The following PRKCZ variants were observed in gnomAD, a reference collection of about 807,000 sequenced individuals.
PRKCZ encodes protein kinase C zeta, also known as protein kinase C zeta type.
PRKCZ carries 33 observed loss-of-function variants against 79.5 expected under a neutral mutation model. The observed-to-expected ratio is 0.41, with a 90% CI of 0.31 to 0.55. The LOEUF (loss-of-function observed/expected upper bound fraction) is 0.55. Ranked by LOEUF, PRKCZ falls within the 20% of genes least tolerant of loss-of-function variation. PRKCZ has a pLI of 0.19. For missense variants in PRKCZ, 578 were observed against 813.5 expected (o/e 0.71, Z 3.52); for synonymous variants, 342 against 320.9 (o/e 1.07, Z -0.70).
In PRKCZ at chr1:2,184,647, A is replaced by G. The variant is rs766577209; in HGVS notation, c.1640A>G (p.Asn547Ser). ...ATCACAGACGACTACGGTCTGGACA[A>G]CTTTGACACACAGTTCACCAGCGAG... The part of the protein sequence containing the change: ...PQITDDYGLD[N>S]FDTQFTSEPV... Residue 547 changes from asparagine to serine, a missense_variant, in exon 17 of 18, where the codon AAC becomes AGC. By Grantham distance (46) the Asn-to-Ser change is conservative. Around this residue, in one of 4 missense-constraint regions of PRKCZ, gnomAD observed 243 missense variants for 467.0 expected, o/e 0.52. Coordinates refer to ENST00000378567, the MANE Select transcript of PRKCZ (RefSeq NM_002744.6). The G allele has an allele frequency of 1.9e-6, 3 of 1,614,026 alleles. No homozygotes were observed. Among genetic ancestry groups the G allele is most frequent in the Non-Finnish European group, 1.7e-6 (2 of 1,180,006 alleles).
intron 9 of PRKCZ, 135 bp from the exon 10 acceptor site, chr1:2,155,860 G>T: frequency 1.4e-6 from 1 of 722,344 alleles, no homozygotes; most frequent in Admixed American, 2.0e-5. Flanking sequence ...AGTTCCTAAT[G>T]GGTGTTTTCT....
In PRKCZ at chr1:2,118,004, T is replaced by C. The variant is rs866604859; in HGVS notation, c.335-17258T>C. 6.3e-4 allele frequency among the ~76,000 whole-genome samples: 83 copies of C among 132,114 alleles called. 4 individuals carry two copies. Among genetic ancestry groups the C allele is most frequent in the African/African-American group, 2.3e-3 (80 of 35,318 alleles). 86.7% of individuals were successfully genotyped at this position (132,114 alleles called of 152,430 possible). A position where few individuals can be genotyped will look rare whatever the true frequency, so the allele number is the denominator to read the frequency against. ...AGAGATTAGCCTATTATTTCTTTTT[T>C]TTTTTTTTTTGGAGTCTCACTCTGT... On this transcript the variant is annotated intron_variant, in intron 4 of 17. Coordinates refer to ENST00000378567, the MANE Select transcript of PRKCZ (RefSeq NM_002744.6).
intron 4 of PRKCZ, among the ~76,000 whole-genome samples, chr1:2,079,064 G>A (rs556646730): frequency 1.3e-5 from 2 of 152,230 alleles, no homozygotes; most frequent in Admixed American, 6.5e-5. Flanking sequence ...GGATGGTCTC[G>A]ATCTTCTGAC....
At chr1:2,084,264 C>T (rs1664093233) in intron 4 of PRKCZ, among the ~76,000 whole-genome samples, 1 of 152,216 alleles carries the variant, frequency 6.6e-6, no homozygotes, top group African/African-American at 2.4e-5. Flanking sequence ...AAAAACATCG[C>T]ATATTGGCTG....
At chr1:2,171,745 C>T (rs560360913) in intron 11 of PRKCZ, 15 of 343,258 alleles carry the variant, frequency 4.4e-5, no homozygotes, top group African/African-American at 3.0e-4. Flanking sequence ...CACAACGTGC[C>T]ATGGCTCCGG....
At chr1:2,098,713 G>A (rs888962585) in intron 4 of PRKCZ, among the ~76,000 whole-genome samples, 3 of 151,954 alleles carry the variant, frequency 2.0e-5, no homozygotes, top group Non-Finnish European at 4.4e-5. Flanking sequence ...ACAGAGTCTC[G>A]CTCTGTCGCC....
chr1:2,112,691 GTT>G (rs147375796), intron 4 of PRKCZ, among the ~76,000 whole-genome samples: 35,519 of 146,452 alleles, frequency 0.24, 4,796 homozygotes, highest in Admixed American at 0.34. Flanking sequence ...TGGTTGGTTG[GTT>G]TTTTTTTTTT....
At chr1:2,092,333 C>T (rs1204425151) in intron 4 of PRKCZ, among the ~76,000 whole-genome samples, 1 of 152,190 alleles carries the variant, frequency 6.6e-6, no homozygotes, top group African/African-American at 2.4e-5. Context: ...CAAGAGAAGC[C>T]CCAGCTCAGC....
At chr1:2,098,769 C>T (rs1242190217) in intron 4 of PRKCZ, among the ~76,000 whole-genome samples, 2 of 152,144 alleles carry the variant, frequency 1.3e-5, no homozygotes, top group African/African-American at 4.8e-5. Context: ...GCGAGCTCCA[C>T]CTCTCGGGTT....
At chr1:2,108,351 C>T (rs1669012029) in intron 4 of PRKCZ, among the ~76,000 whole-genome samples, 1 of 152,234 alleles carries the variant, frequency 6.6e-6, no homozygotes, top group Non-Finnish European at 1.5e-5. Flanking sequence ...GCCCCTTGTC[C>T]CTGCAGCCAT....
At chr1:2,101,134 T>C (rs576395116) in intron 4 of PRKCZ, among the ~76,000 whole-genome samples, 4 of 152,148 alleles carry the variant, frequency 2.6e-5, no homozygotes, top group Non-Finnish European at 5.9e-5. Flanking sequence ...CTAAACGACA[T>C]GTGAGTTCCC....
intron 5 of PRKCZ, chr1:2,142,601 GAGCCCA>G: frequency 4.1e-6 from 1 of 243,824 alleles, no homozygotes; most frequent in Non-Finnish European, 8.3e-6. Context: ...CCTTCGAATA[GAGCCCA>G]CGGTCCTGGT....
chr1:2,078,648 C>G (rs1377786615), intron 4 of PRKCZ, among the ~76,000 whole-genome samples: 1 of 152,212 alleles, frequency 6.6e-6, no homozygotes, highest in East Asian at 1.9e-4. Context: ...CTCTGACTCT[C>G]TTTTAGAGTT....
chr1:2,092,990 G>T (rs989939068), intron 4 of PRKCZ, among the ~76,000 whole-genome samples: 7 of 152,248 alleles, frequency 4.6e-5, no homozygotes, highest in African/African-American at 1.7e-4. Flanking sequence ...CAGCTTCCAG[G>T]TGTGGGGACC....
intron 4 of PRKCZ, among the ~76,000 whole-genome samples, chr1:2,124,833 T>A (rs531172745): frequency 1.9e-4 from 29 of 151,882 alleles, no homozygotes; most frequent in African/African-American, 6.8e-4. Flanking sequence ...CAACACCTTC[T>A]CTTCTGACGC....
At chr1:2,076,469 A>G (rs1290584960) in intron 4 of PRKCZ, among the ~76,000 whole-genome samples, 1 of 152,222 alleles carries the variant, frequency 6.6e-6, no homozygotes, top group Non-Finnish European at 1.5e-5. Context: ...CAGGCCAGGC[A>G]CAGTGGCTCA....
intron 4 of PRKCZ, among the ~76,000 whole-genome samples, chr1:2,129,642 A>T (rs940281357): frequency 3.3e-5 from 5 of 152,116 alleles, no homozygotes; most frequent in Non-Finnish European, 7.4e-5. Context: ...GGAGCCAGGC[A>T]GGGGGGGTCT....
intron 4 of PRKCZ, among the ~76,000 whole-genome samples, chr1:2,087,083 CTTTTA>C (rs1257119453): frequency 3.9e-5 from 6 of 152,018 alleles, no homozygotes; most frequent in Admixed American, 3.3e-4. Flanking sequence ...TTTCCCCATT[CTTTTA>C]TTTATTTTTT....
chr1:2,132,502 G>T (rs1675190384), intron 4 of PRKCZ, among the ~76,000 whole-genome samples: 1 of 152,220 alleles, frequency 6.6e-6, no homozygotes, highest in African/African-American at 2.4e-5. Context: ...GTTTGGGGCT[G>T]CGGGGGATTG....
Sources: gnomAD v4.1 joint callset for allele counts (sites outside exome capture counted in the v4.1 genomes callset) on GRCh38, gnomAD v4.1.1 for gene constraint, gnomAD v4.1.1 regional missense constraint, MANE v1.5 for transcripts, NCBI Gene and HGNC (gene_info 2026-07-23, HGNC 2026-07-21) for gene names.